SENP7: variants seen among roughly 807,000 people sequenced by gnomAD.
The protein encoded by SENP7 is sentrin-specific protease 7.
In SENP7, 64 loss-of-function variants were observed where a neutral mutation model predicts 141.2. The ratio of observed to expected loss-of-function variants is 0.45; its 90% CI spans 0.37 to 0.56. The LOEUF (loss-of-function observed/expected upper bound fraction) is 0.56. SENP7 is among the 20% of genes least tolerant of loss of function. The pLI, the probability that SENP7 is intolerant of heterozygous loss-of-function variation, is 0.00. For synonymous variants in SENP7, 382 were observed against 426.4 expected, an observed-to-expected ratio of 0.90 and a Z score of 1.28; for missense variants, 1,025 against 1,212.2, an observed-to-expected ratio of 0.85 and a Z score of 2.29.
chr3:101,493,770 CA>C (rs2108109798), intron 3 of SENP7, 102 bp downstream of exon 3: 3 of 659,598 alleles, frequency 4.5e-6, no homozygotes, highest in South Asian at 2.8e-5. Context: ...ACAAGAAAAC[CA>C]AAAAAGGGAC....
At chr3:101,410,964 A>C (rs557585592) in intron 5 of SENP7, among the ~76,000 whole-genome samples, 13 of 152,328 alleles carry the variant, frequency 8.5e-5, no homozygotes, top group Non-Finnish European at 1.6e-4. Context: ...CAGAAGGGTG[A>C]AAATGCAAAG....
chr3:101,357,236 G>C (rs2107315017), intron 11 of SENP7: 1 of 382,964 alleles, frequency 2.6e-6, no homozygotes, highest in Admixed American at 3.4e-5. Context: ...CCTGACCTCA[G>C]GTGATCCACC....
intron 4 of SENP7, among the ~76,000 whole-genome samples, chr3:101,456,607 TA>T (rs1173998470): frequency 6.6e-6 from 1 of 152,128 alleles, no homozygotes; most frequent in African/African-American, 2.4e-5. Context: ...GCTAGGCTGA[TA>T]ATTTAGCAGA....
intron 6 of SENP7, among the ~76,000 whole-genome samples, chr3:101,373,807 G>T (rs1030437005): frequency 4.6e-5 from 7 of 152,114 alleles, no homozygotes; most frequent in African/African-American, 1.4e-4. Context: ...TGACAATCTG[G>T]TTCTAAACTG....
intron 6 of SENP7, among the ~76,000 whole-genome samples, chr3:101,383,909 G>A (rs2060577833): frequency 6.6e-6 from 1 of 152,200 alleles, no homozygotes; most frequent in Admixed American, 6.5e-5. Context: ...TGGGGCCCAG[G>A]CTCCCAGTTC....
At chr3:101,421,744 T>C (rs1344272811) in intron 4 of SENP7, among the ~76,000 whole-genome samples, 1 of 152,214 alleles carries the variant, frequency 6.6e-6, no homozygotes, top group African/African-American at 2.4e-5. Flanking sequence ...AGTAATCTTT[T>C]TCCCCCCAAA....
chr3:101,339,751 A>G (rs4334622), intron 16 of SENP7, among the ~76,000 whole-genome samples: 60,311 of 151,930 alleles, frequency 0.4, 12,488 homozygotes, highest in Admixed American at 0.54. Context: ...CAGATATCTC[A>G]ATAGAGCTGC....
chr3:101,428,576 C>A (rs1294448684), intron 4 of SENP7, among the ~76,000 whole-genome samples: 1 of 152,042 alleles, frequency 6.6e-6, no homozygotes, highest in Non-Finnish European at 1.5e-5. Flanking sequence ...TGTTTAAATT[C>A]TTTGTAGATT....
chr3:101,475,776 G>C (rs1323458541), intron 3 of SENP7, among the ~76,000 whole-genome samples: 1 of 152,082 alleles, frequency 6.6e-6, no homozygotes, highest in Non-Finnish European at 1.5e-5. Context: ...ATCATATATT[G>C]ATGAAGAGAT....
intron 11 of SENP7, among the ~76,000 whole-genome samples, chr3:101,352,889 G>A (rs2059648036): frequency 6.6e-6 from 1 of 151,894 alleles, no homozygotes; most frequent in African/African-American, 2.4e-5. Flanking sequence ...ATTCCATAGA[G>A]TAAGTGAGCC....
chr3:101,367,704 G>T, intron 8 of SENP7, 126 bp downstream of exon 8: 1 of 612,698 alleles, frequency 1.6e-6, no homozygotes, highest in Non-Finnish European at 2.7e-6. Flanking sequence ...AGCTAACAGT[G>T]AACCAAAAAC....
chr3:101,355,452 G>T (rs536054222), intron 11 of SENP7, among the ~76,000 whole-genome samples: 1 of 152,034 alleles, frequency 6.6e-6, no homozygotes, highest in Admixed American at 6.6e-5. Context: ...TCTTAGCACC[G>T]TTTATTGAAT....
At chr3:101,414,303 G>A (rs1295725818) in intron 5 of SENP7, 3 of 737,922 alleles carry the variant, frequency 4.1e-6, no homozygotes, top group Non-Finnish European at 7.4e-6. Flanking sequence ...GGAAGATGCA[G>A]GGTCTCATGT....
intron 1 of SENP7, among the ~76,000 whole-genome samples, chr3:101,512,145 T>C (rs539217456): frequency 6.6e-6 from 1 of 152,318 alleles, no homozygotes; most frequent in South Asian, 2.1e-4. Flanking sequence ...GTTAACTGTC[T>C]CTGCAGAAAC....
At chr3:101,417,545 T>G in intron 5 of SENP7, 48 bp downstream of exon 5, 1 of 1,433,248 alleles carries the variant, frequency 7.0e-7, no homozygotes, top group South Asian at 1.1e-5. Context: ...GGGATTCATA[T>G]TATTTCAAAT....
intron 6 of SENP7, among the ~76,000 whole-genome samples, chr3:101,381,474 A>C (rs561414167): frequency 6.6e-6 from 1 of 152,248 alleles, no homozygotes; most frequent in Admixed American, 6.5e-5. Context: ...GCATATCAAA[A>C]TATTATCAAT....
chr3:101,369,621 T>G (rs2060126150), intron 7 of SENP7, among the ~76,000 whole-genome samples: 1 of 152,190 alleles, frequency 6.6e-6, no homozygotes, highest in Non-Finnish European at 1.5e-5. Context: ...TCTAATACAA[T>G]TTCTACACAC....
chr3:101,473,538 G>T (rs2064095922), intron 3 of SENP7, among the ~76,000 whole-genome samples: 1 of 152,150 alleles, frequency 6.6e-6, no homozygotes, highest in Admixed American at 6.5e-5. Context: ...GTCTTCTTTG[G>T]AAAAGCACTT....
intron 6 of SENP7, among the ~76,000 whole-genome samples, chr3:101,383,436 C>T (rs1365668727): frequency 1.3e-5 from 2 of 152,152 alleles, no homozygotes; most frequent in East Asian, 1.9e-4. Flanking sequence ...GTTGGAGGGG[C>T]GGGAGTCCTG....
Sources: allele counts gnomAD v4.1 joint callset (sites outside exome capture counted in the v4.1 genomes callset), GRCh38; gene constraint gnomAD v4.1.1; transcripts MANE v1.5; gene names NCBI Gene and HGNC (gene_info 2026-07-23, HGNC 2026-07-21).